KCNIP4: variants seen among roughly 807,000 people sequenced by gnomAD.
KCNIP4 encodes the protein potassium voltage-gated channel interacting protein 4, also known as Kv channel-interacting protein 4.
KCNIP4 carries 12 observed loss-of-function variants against 34.0 expected under a neutral mutation model. That is an observed-to-expected ratio of 0.35 (90% CI 0.23 to 0.57). KCNIP4 has a LOEUF of 0.57. Among genes scored for constraint, KCNIP4 ranks in the 20% least tolerant of loss-of-function variants. The pLI, the probability that KCNIP4 is intolerant of heterozygous loss-of-function variation, is 0.83. For missense variants in KCNIP4, 238 were observed against 311.7 expected (o/e 0.76, Z 1.78); for synonymous variants, 124 against 102.2 (o/e 1.21, Z -1.29).
chr4:21,471,645 T>C (rs1377790997), intron 1 of KCNIP4, among the ~76,000 whole-genome samples: 1 of 152,162 alleles, frequency 6.6e-6, no homozygotes, highest in Non-Finnish European at 1.5e-5. Flanking sequence ...CAGTAAACAA[T>C]GGGCTTAATT....
At chr4:21,003,653 G>A (rs1738321215) in intron 1 of KCNIP4, among the ~76,000 whole-genome samples, 1 of 152,170 alleles carries the variant, frequency 6.6e-6, no homozygotes, top group Admixed American at 6.5e-5. Flanking sequence ...AAGGTCACAT[G>A]GCTGGTTAGT....
intron 1 of KCNIP4, among the ~76,000 whole-genome samples, chr4:21,898,762 G>A (rs927796695): frequency 6.6e-6 from 1 of 152,102 alleles, no homozygotes; most frequent in Non-Finnish European, 1.5e-5. Context: ...TTTGAGGGAA[G>A]GAAAGAGAAG....
At chr4:21,074,870 T>C (rs1389514815) in intron 1 of KCNIP4, among the ~76,000 whole-genome samples, 4 of 152,184 alleles carry the variant, frequency 2.6e-5, no homozygotes, top group African/African-American at 9.7e-5. Flanking sequence ...AGAACATCTT[T>C]ATTTCTGCCT....
At chr4:21,781,767 A>C (rs1401584803) in intron 1 of KCNIP4, among the ~76,000 whole-genome samples, 1 of 152,180 alleles carries the variant, frequency 6.6e-6, no homozygotes, top group Non-Finnish European at 1.5e-5. Flanking sequence ...CTTAGTATAT[A>C]TACATGAGAT....
At chr4:20,801,320 A>G (rs1397550819) in intron 3 of KCNIP4, among the ~76,000 whole-genome samples, 1 of 151,966 alleles carries the variant, frequency 6.6e-6, no homozygotes, top group Non-Finnish European at 1.5e-5. Context: ...AAAAGGCATT[A>G]TAATTACTGT....
At chr4:21,720,325 A>G (rs1046444573) in intron 1 of KCNIP4, among the ~76,000 whole-genome samples, 5 of 152,206 alleles carry the variant, frequency 3.3e-5, no homozygotes, top group African/African-American at 1.2e-4. Context: ...CAGTGCAACA[A>G]AAGAAAATAT....
Position 20,835,866 on chromosome 4 carries a change from C to T in KCNIP4, c.288+14677G>A, listed in dbSNP as rs148456541. Among the ~76,000 whole-genome samples, 1,412 of 152,260 alleles carry T rather than the reference C, an allele frequency of 9.3e-3. 13 individuals are homozygous for T. Among genetic ancestry groups the T allele is most frequent in the East Asian group, 0.033 (169 of 5,176 alleles). On this transcript the variant is annotated intron_variant, in intron 3 of 8. Coordinates refer to ENST00000382152, the MANE Select transcript of KCNIP4 (RefSeq NM_025221.6). ...ACTTGGAATCATCTATATTGTTGCT[C>T]TTTCCCTCCTAGCCACATTCAACCT...
chr4:21,831,557 A>G (rs1238010591), intron 1 of KCNIP4, among the ~76,000 whole-genome samples: 1 of 151,770 alleles, frequency 6.6e-6, no homozygotes, highest in Non-Finnish European at 1.5e-5. Flanking sequence ...CTAAGAAGAA[A>G]CAAATTCCTA....
intron 1 of KCNIP4, among the ~76,000 whole-genome samples, chr4:21,672,182 G>A (rs1749551859): frequency 6.6e-6 from 1 of 152,162 alleles, no homozygotes; most frequent in Non-Finnish European, 1.5e-5. Flanking sequence ...AACTAATGTA[G>A]ATGATGGGTT....
At chr4:21,054,476 A>G (rs11735848) in intron 1 of KCNIP4, among the ~76,000 whole-genome samples, 76,511 of 150,656 alleles carry the variant, frequency 0.51, 21,116 homozygotes, top group African/African-American at 0.74. Context: ...CAGAGATCAC[A>G]CCATTGCACT....
At chr4:21,077,074 T>G (rs1745554064) in intron 1 of KCNIP4, among the ~76,000 whole-genome samples, 1 of 152,096 alleles carries the variant, frequency 6.6e-6, no homozygotes, top group Non-Finnish European at 1.5e-5. Flanking sequence ...GCAGTGACAG[T>G]GAGCTGAAAT....
chr4:21,620,980 C>T (rs1744959169), intron 1 of KCNIP4, among the ~76,000 whole-genome samples: 1 of 152,328 alleles, frequency 6.6e-6, no homozygotes, highest in South Asian at 2.1e-4. Context: ...AGTGGTTTAA[C>T]TAACAACCTT....
intron 1 of KCNIP4, among the ~76,000 whole-genome samples, chr4:21,133,941 T>A (rs1333133804): frequency 2.6e-5 from 4 of 152,240 alleles, no homozygotes; most frequent in South Asian, 2.1e-4. Context: ...ATCATTCACA[T>A]CTTTCGACTT....
intron 1 of KCNIP4, among the ~76,000 whole-genome samples, chr4:21,126,423 C>G (rs1750616528): frequency 6.6e-6 from 1 of 152,038 alleles, no homozygotes; most frequent in South Asian, 2.1e-4. Flanking sequence ...AATAGAATCC[C>G]TATTCAACAT....
At chr4:21,260,393 G>A (rs1761395070) in intron 1 of KCNIP4, among the ~76,000 whole-genome samples, 1 of 152,178 alleles carries the variant, frequency 6.6e-6, no homozygotes, top group African/African-American at 2.4e-5. Context: ...TTGCTGTATT[G>A]CACAGTACTG....
At chr4:21,103,313 TATATA>T (rs1022849569) in intron 1 of KCNIP4, among the ~76,000 whole-genome samples, 32 of 145,718 alleles carry the variant, frequency 2.2e-4, no homozygotes, top group Non-Finnish European at 3.4e-4. Flanking sequence ...ACATATATAA[TATATA>T]ATATAAAATA....
chr4:21,482,568 T>C (rs60033856), intron 1 of KCNIP4, among the ~76,000 whole-genome samples: 41,348 of 152,010 alleles, frequency 0.27, 6,117 homozygotes, highest in African/African-American at 0.39. Context: ...CCTTCACTTA[T>C]GAAGTTTAGT....
At chr4:21,447,353 T>C (rs979842506) in intron 1 of KCNIP4, among the ~76,000 whole-genome samples, 1 of 152,098 alleles carries the variant, frequency 6.6e-6, no homozygotes, top group African/African-American at 2.4e-5. Context: ...CCAGAGGAAG[T>C]GCAACCTGCT....
intron 1 of KCNIP4, among the ~76,000 whole-genome samples, chr4:21,531,790 G>T (rs912250492): frequency 6.6e-6 from 1 of 152,032 alleles, no homozygotes; most frequent in Admixed American, 6.6e-5. Flanking sequence ...AAAAGTTATT[G>T]CCTGGAGGTA....
Sources: gnomAD v4.1 joint callset for allele counts (sites outside exome capture counted in the v4.1 genomes callset) on GRCh38, gnomAD v4.1.1 for gene constraint, MANE v1.5 for transcripts, NCBI Gene and HGNC (gene_info 2026-07-23, HGNC 2026-07-21) for gene names.